The following DERL2 variants were observed in gnomAD, a reference collection of about 807,000 sequenced individuals.
DERL2 encodes the protein derlin 2.
In DERL2, 13 loss-of-function variants were observed where a neutral mutation model predicts 32.0. That is an observed-to-expected ratio of 0.41 (90% CI 0.26 to 0.65). The LOEUF (loss-of-function observed/expected upper bound fraction) is 0.65, where lower values mean the gene tolerates loss of function less well. Ranked by LOEUF, DERL2 falls within the 30% of genes least tolerant of loss-of-function variation. The probability of loss-of-function intolerance (pLI) is 0.35; values close to 1 mark genes in which losing one functional copy is unlikely to be tolerated. For synonymous variants in DERL2, 111 were observed against 104.7 expected (o/e 1.06, Z -0.37); for missense variants, 208 against 296.3 (o/e 0.70, Z 2.19).
rs548782564 is a variant in DERL2, at chr17:5,483,630, C to T, written c.160-748G>A. The stretch of plus-strand genomic sequence containing the variant: ...ACAGACAAGCAAGCTACCCCCAATT[C>T]ACAGATAGGAGACTAAAAGTTGACT... On this transcript the variant is annotated intron_variant, in intron 2 of 6. Transcript: ENST00000158771. 1.7e-4 allele frequency among the ~76,000 whole-genome samples: 26 copies of T among 152,294 alleles called. No individual in the cohort carries two copies. The East Asian group carries it at 4.4e-3, about 26-fold the overall frequency.
At chr17:5,486,364 C>CG (rs909414588), upstream of DERL2, 21 of 506,916 alleles carry the variant, frequency 4.1e-5, no homozygotes, top group Admixed American at 1.0e-4. Context: ...CCGCCCCCCC[C>CG]CAGCGCCCCA....
Position 5,483,850 on chromosome 17 carries a change from G to A in DERL2, c.160-968C>T, listed in dbSNP as rs372513082. The stretch of plus-strand genomic sequence containing the variant: ...AGACTTACTTGGATGGAACTACAGC[G>A]CCATGTGAGTATTGTGCGAACACAG... On this transcript the variant is annotated intron_variant, in intron 2 of 6. Coordinates refer to ENST00000158771, the MANE Select transcript of DERL2 (RefSeq NM_016041.5). Among the ~76,000 whole-genome samples the A allele has an allele frequency of 6.6e-5, 10 of 152,320 alleles. No individual in the cohort carries two copies. In the East Asian group the frequency reaches 1.5e-3, roughly 23 times the overall value.
chr17:5,484,997 T>G (rs1906074118), intron 2 of DERL2, among the ~76,000 whole-genome samples, 154 bp downstream of exon 2: 1 of 152,250 alleles, frequency 6.6e-6, no homozygotes, highest in African/African-American at 2.4e-5. Flanking sequence ...CCAACCAGGC[T>G]GCAGAATCAC....
chr17:5,485,960 A>G (rs1906230694), intron 1 of DERL2, 109 bp downstream of exon 1: 1 of 967,090 alleles, frequency 1.0e-6, no homozygotes, highest in African/African-American at 1.7e-5. Context: ...GCCTCCACCC[A>G]TCCCCGGGAC....
At chr17:5,485,463 A>G (rs1281991106) in intron 1 of DERL2, among the ~76,000 whole-genome samples, 1 of 152,214 alleles carries the variant, frequency 6.6e-6, no homozygotes, top group Non-Finnish European at 1.5e-5. Context: ...GCTGACATGA[A>G]GAAATGAGGC....
Position 5,472,578 on chromosome 17 carries a change from C to T in DERL2, c.*2106G>A, listed in dbSNP as rs1905170271. ...AATCAAAAACCCTGTAACTGCCTGC[C>T]TTTAGGCTGTATATTCAAAATGTAT... On this transcript the variant is annotated 3_prime_UTR_variant, in exon 7 of 7. Coordinates refer to ENST00000158771, the MANE Select transcript of DERL2 (RefSeq NM_016041.5). The T allele has an allele frequency of 6.6e-6, 1 of 152,176 alleles. No homozygotes were observed. The highest frequency in any genetic ancestry group is 2.4e-5 in the African/African-American group (1 of 41,424). The allele number at this position is 152,176 out of a possible 1,614,324, so 9.4% of individuals were successfully genotyped here.
chr17:5,479,836 A>G (rs1233702305), intron 6 of DERL2, among the ~76,000 whole-genome samples: 1 of 152,200 alleles, frequency 6.6e-6, no homozygotes, highest in African/African-American at 2.4e-5. Context: ...TACTCCCAAG[A>G]TATCTTGAGC....
Position 5,485,272 on chromosome 17 carries a change from A to C in DERL2, c.94-56T>G, listed in dbSNP as rs186566932. 2.7e-4 allele frequency: 349 copies of C among 1,311,022 alleles called. 1 individual carries two copies. The African/African-American group carries it at 4.3e-3, about 16-fold the overall frequency. The allele number at this position is 1,311,022 out of a possible 1,614,324, so 81.2% of individuals were successfully genotyped here. ...ATCAAGAAACAAAATTTCATCATTT[A>C]CAACAAAGAATTAGTAGGTCTAGCA... On this transcript the variant is annotated intron_variant, in intron 1 of 6. Transcript: ENST00000158771.
chr17:5,475,796 G>A (rs1201283869), intron 6 of DERL2, among the ~76,000 whole-genome samples: 2 of 152,194 alleles, frequency 1.3e-5, no homozygotes, highest in African/African-American at 4.8e-5. Context: ...GATGAACCTT[G>A]AGGACTTTAC....
intron 6 of DERL2, among the ~76,000 whole-genome samples, chr17:5,479,653 C>T (rs1027860531): frequency 6.6e-6 from 1 of 152,118 alleles, no homozygotes; most frequent in East Asian, 1.9e-4. Flanking sequence ...CTCTGCTTCA[C>T]TGCTTATCTC....
chr17:5,474,894 T>C lies in DERL2; in HGVS notation c.615-105A>G, dbSNP rs1905290203. 8.0e-6 allele frequency: 5 copies of C among 626,310 alleles called. No homozygotes were observed. The highest frequency in any genetic ancestry group is 2.6e-4 in the Middle Eastern group (1 of 3,894). 38.8% of individuals were successfully genotyped at this position (626,310 alleles called of 1,614,324 possible). A position where few individuals can be genotyped will look rare whatever the true frequency, so the allele number is the denominator to read the frequency against. On this transcript the variant is annotated intron_variant, in intron 6 of 6. Coordinates refer to ENST00000158771, the MANE Select transcript of DERL2 (RefSeq NM_016041.5). The surrounding 1 kb of genome is among the most constrained non-coding windows in gnomAD (Gnocchi z 4.3). ...TAGGGTTTCCACCAATAGGTAAGCA[T>C]TACACCTGCCTGCCAATTAAACAGT...
rs185846704 is a variant in DERL2, at chr17:5,475,478, C to T, written c.615-689G>A. ...TTCATCATGTTGGCCAGACTGGTCTCGAACTCCTGAACTCAGGTGATCTGC... is the reference window on the plus strand; with the variant it reads ...TTCATCATGTTGGCCAGACTGGTCTTGAACTCCTGAACTCAGGTGATCTGC... On this transcript the variant is annotated intron_variant, in intron 6 of 6. Transcript: ENST00000158771. 5.9e-3 allele frequency among the ~76,000 whole-genome samples: 897 copies of T among 152,170 alleles called. 5 individuals are homozygous for T. The highest frequency in any genetic ancestry group is 0.011 in the Admixed American group (174 of 15,288).
Position 5,480,042 on chromosome 17 carries a change from T to A in DERL2, c.614+12A>T, listed in dbSNP as rs754831102. ...GCCTGTAAGAGTATGTAACCTGGTG[T>A]TAAATACTCACAAAATAGATGGTGT... On this transcript the variant is annotated intron_variant, in intron 6 of 6. Coordinates refer to ENST00000158771, the MANE Select transcript of DERL2 (RefSeq NM_016041.5). 2 of 1,552,728 alleles carry A rather than the reference T, an allele frequency of 1.3e-6. No homozygotes were observed. The highest frequency in any genetic ancestry group is 1.8e-6 in the Non-Finnish European group (2 of 1,127,326).
rs996375129 is a variant in DERL2, at chr17:5,474,488, C to T, written c.*196G>A. 5 of 479,262 alleles carry T rather than the reference C, an allele frequency of 1.0e-5. No homozygotes were observed. The highest frequency in any genetic ancestry group is 5.5e-4 in the Middle Eastern group (1 of 1,832). The allele number at this position is 479,262 out of a possible 1,614,324, so 29.7% of individuals were successfully genotyped here. A position where few individuals can be genotyped will look rare whatever the true frequency, so the allele number is the denominator to read the frequency against. On this transcript the variant is annotated 3_prime_UTR_variant, in exon 7 of 7. Transcript: ENST00000158771. The surrounding 1 kb of genome is among the most constrained non-coding windows in gnomAD (Gnocchi z 4.3). ...CTCTAAGAAATTACACTTTCAGTAC[C>T]AGTGTAGTGAGGAACCACTGGCAAA...
intron 6 of DERL2, among the ~76,000 whole-genome samples, chr17:5,476,703 C>T (rs1331704023): frequency 6.6e-6 from 1 of 152,200 alleles, no homozygotes; most frequent in African/African-American, 2.4e-5. Context: ...ATCGCTTGAA[C>T]CCAGGAGGCG....
chr17:5,486,179 GCC>G, upstream of DERL2: 3 of 1,540,444 alleles, frequency 1.9e-6, no homozygotes, highest in South Asian at 1.2e-5. Context: ...ACCGTCGCCT[GCC>G]CCACCCCCCA....
At chr17:5,485,957 C>T in intron 1 of DERL2, 112 bp downstream of exon 1, 1 of 931,200 alleles carries the variant, frequency 1.1e-6, no homozygotes, top group Non-Finnish European at 1.6e-6. Flanking sequence ...TACGCCTCCA[C>T]CCATCCCCGG....
intron 2 of DERL2, among the ~76,000 whole-genome samples, chr17:5,484,734 T>C (rs1906041844): frequency 6.6e-6 from 1 of 152,218 alleles, no homozygotes; most frequent in Non-Finnish European, 1.5e-5. Flanking sequence ...TGGGTGTGCC[T>C]AGGTGCTGAA....
At chr17:5,480,946 C>G (rs1045356374) in intron 4 of DERL2, 2 of 517,400 alleles carry the variant, frequency 3.9e-6, no homozygotes, top group African/African-American at 2.0e-5. Flanking sequence ...TCAGACCGTA[C>G]CATATCTAAG....
Sources: gnomAD v4.1 joint callset for allele counts (sites outside exome capture counted in the v4.1 genomes callset) on GRCh38, gnomAD v4.1.1 for gene constraint, Gnocchi (gnomAD v3.1) non-coding constraint, MANE v1.5 for transcripts, NCBI Gene and HGNC (gene_info 2026-07-23, HGNC 2026-07-21) for gene names.